SEMA3A: variants seen among roughly 807,000 people sequenced by gnomAD.
SEMA3A encodes the protein semaphorin 3A, also known as semaphorin-3A.
In SEMA3A, 29 loss-of-function variants were observed where a neutral mutation model predicts 97.9. The ratio of observed to expected loss-of-function variants is 0.30; its 90% confidence interval spans 0.22 to 0.40. SEMA3A has a LOEUF of 0.40. Ranked by LOEUF, SEMA3A falls within the 10% of genes least tolerant of loss-of-function variation. SEMA3A has a pLI of 1.00. For missense variants in SEMA3A, 763 were observed against 951.3 expected, an observed-to-expected ratio of 0.80 and a Z score of 2.60; for synonymous variants, 321 against 323.7, an observed-to-expected ratio of 0.99 and a Z score of 0.09.
At chr7:84,116,640 A>G (rs1012240857) in intron 3 of SEMA3A, among the ~76,000 whole-genome samples, 3 of 152,170 alleles carry the variant, frequency 2.0e-5, no homozygotes, top group African/African-American at 7.2e-5. Flanking sequence ...CCCTAATCCA[A>G]ACTGGCTGGT....
In SEMA3A at chr7:84,008,402, A is replaced by C. The variant is rs576221097; in HGVS notation, c.996-905T>G. Among the ~76,000 whole-genome samples, 5 of 150,846 alleles carry C rather than the reference A, an allele frequency of 3.3e-5. No homozygotes were observed. In the South Asian group the frequency reaches 1.0e-3, roughly 32 times the overall value. The stretch of plus-strand genomic sequence containing the variant: ...GCTACTCGGGAGGCTGAGGAAGGAG[A>C]ATGGTGTGAGCCGGCGAGGTAGAGC... On this transcript the variant is annotated intron_variant, in intron 9 of 16. Coordinates refer to ENST00000265362, the MANE Select transcript of SEMA3A (RefSeq NM_006080.3).
intron 13 of SEMA3A, among the ~76,000 whole-genome samples, chr7:83,984,811 C>T (rs1436935900): frequency 6.6e-6 from 1 of 151,880 alleles, no homozygotes; most frequent in Non-Finnish European, 1.5e-5. Flanking sequence ...TAACATGCTG[C>T]CCTTAACCTT....
At chr7:84,369,753 G>T (rs907760168) in intron 2 of SEMA3A, among the ~76,000 whole-genome samples, 3 of 148,788 alleles carry the variant, frequency 2.0e-5, no homozygotes, top group African/African-American at 4.9e-5. Context: ...GAGGTGACAG[G>T]TATTAAATAT....
intron 12 of SEMA3A, among the ~76,000 whole-genome samples, chr7:83,990,196 T>A (rs1584512946): frequency 6.6e-6 from 1 of 151,930 alleles, no homozygotes; most frequent in East Asian, 1.9e-4. Flanking sequence ...TTGTTTGAGT[T>A]CATTGTAGAT....
chr7:84,246,824 G>A (rs922802835), intron 3 of SEMA3A, among the ~76,000 whole-genome samples: 1 of 151,910 alleles, frequency 6.6e-6, no homozygotes, highest in African/African-American at 2.4e-5. Context: ...TTAGTCTTAA[G>A]GGAGTCATCA....
chr7:84,268,866 T>A (rs552345583), intron 3 of SEMA3A, among the ~76,000 whole-genome samples: 1 of 152,156 alleles, frequency 6.6e-6, no homozygotes, highest in Non-Finnish European at 1.5e-5. Flanking sequence ...CTCTTGAGAA[T>A]TGCAACTCCA....
intron 1 of SEMA3A, among the ~76,000 whole-genome samples, chr7:84,146,219 G>A (rs544839834): frequency 7.0e-4 from 107 of 152,230 alleles, no homozygotes; most frequent in Admixed American, 3.5e-3. Flanking sequence ...TTAGCACAAT[G>A]CCATATGGGT....
chr7:84,351,754 T>G (rs1241301429), intron 2 of SEMA3A, among the ~76,000 whole-genome samples: 1 of 152,036 alleles, frequency 6.6e-6, no homozygotes, highest in Non-Finnish European at 1.5e-5. Context: ...AGAGAACCCT[T>G]GTACACTGTT....
intron 3 of SEMA3A, among the ~76,000 whole-genome samples, chr7:84,250,612 A>G (rs1799584888): frequency 6.6e-6 from 1 of 152,180 alleles, no homozygotes; most frequent in African/African-American, 2.4e-5. Flanking sequence ...TGTTTAAAAA[A>G]TTGTTCTAAG....
At chr7:84,391,916 T>C (rs1455000279) in intron 1 of SEMA3A, among the ~76,000 whole-genome samples, 1 of 150,524 alleles carries the variant, frequency 6.6e-6, no homozygotes, top group Non-Finnish European at 1.5e-5. Context: ...GCCATGATAG[T>C]GCCAATATAC....
chr7:84,194,352 A>G, intron 1 of SEMA3A, 123 bp downstream of exon 1: 1 of 657,808 alleles, frequency 1.5e-6, no homozygotes, highest in Non-Finnish European at 2.7e-6. Context: ...GATACACATA[A>G]TCACGTCGGT....
At chr7:84,091,135 AGAAGGAAGGAAGGAAGGAAG>A (rs1272289412) in intron 4 of SEMA3A, among the ~76,000 whole-genome samples, 1 of 50,890 alleles carries the variant, frequency 2.0e-5, no homozygotes, top group Non-Finnish European at 4.5e-5. Flanking sequence ...AAAGAAAGAA[AGAAGGAAGGAAGGAAGGAAG>A]GAAGGAAGGA....
intron 3 of SEMA3A, among the ~76,000 whole-genome samples, chr7:84,205,306 A>G (rs1478892682): frequency 6.6e-6 from 1 of 152,180 alleles, no homozygotes; most frequent in Non-Finnish European, 1.5e-5. Context: ...AACACTAGGG[A>G]ATCCTGATTG....
At chr7:84,303,406 T>C (rs551924300) in intron 3 of SEMA3A, among the ~76,000 whole-genome samples, 1 of 152,254 alleles carries the variant, frequency 6.6e-6, no homozygotes, top group East Asian at 1.9e-4. Context: ...CATGTTCTAG[T>C]TCCTTCAAAC....
intron 4 of SEMA3A, among the ~76,000 whole-genome samples, chr7:84,096,363 T>C (rs1415885519): frequency 6.6e-6 from 1 of 152,090 alleles, no homozygotes; most frequent in Non-Finnish European, 1.5e-5. Flanking sequence ...AACTTATTTT[T>C]TAGCAAGAAT....
chr7:84,012,460 T>G (rs1025941957), intron 7 of SEMA3A, among the ~76,000 whole-genome samples: 3 of 152,158 alleles, frequency 2.0e-5, no homozygotes, highest in African/African-American at 7.2e-5. Flanking sequence ...CTACTATTCA[T>G]AGAGATCTAA....
chr7:83,968,071 T>G (rs894008597), intron 15 of SEMA3A, among the ~76,000 whole-genome samples: 5 of 152,222 alleles, frequency 3.3e-5, no homozygotes, highest in Admixed American at 3.3e-4. Context: ...ACAGTATAGC[T>G]CTACTCTAGG....
intron 3 of SEMA3A, among the ~76,000 whole-genome samples, chr7:84,301,680 A>G (rs1801020057): frequency 6.6e-6 from 1 of 152,110 alleles, no homozygotes; most frequent in Admixed American, 6.6e-5. Context: ...CAATTACTCA[A>G]TTCTGCCTTT....
chr7:84,356,505 G>T (rs1234247679), intron 2 of SEMA3A, among the ~76,000 whole-genome samples: 1 of 151,464 alleles, frequency 6.6e-6, no homozygotes, highest in Admixed American at 6.6e-5. Flanking sequence ...AAAAGATTCT[G>T]AAATTTGTTT....
Sources: allele counts gnomAD v4.1 joint callset (sites outside exome capture counted in the v4.1 genomes callset), GRCh38; gene constraint gnomAD v4.1.1; transcripts MANE v1.5; gene names NCBI Gene and HGNC (gene_info 2026-07-23, HGNC 2026-07-21).